Variants in DGKD observed in about 807,000 individuals in gnomAD.
DGKD encodes DAG kinase delta.
A neutral mutation model predicts 154.4 loss-of-function variants in DGKD; 68 were observed. The observed-to-expected ratio is 0.44, with a 90% CI of 0.36 to 0.54. DGKD has a LOEUF of 0.54. Among genes scored for constraint, DGKD ranks in the 20% least tolerant of loss-of-function variants. The pLI, the probability that DGKD is intolerant of heterozygous loss-of-function variation, is 0.00. For missense variants in DGKD, 1,343 were observed against 1,593.6 expected (o/e 0.84, Z 2.68); for synonymous variants, 693 against 638.0 (o/e 1.09, Z -1.30).
chr2:233,445,040 T>A lies in DGKD; in HGVS notation c.1195-583T>A, dbSNP rs2063020990. 6.6e-6 allele frequency among the ~76,000 whole-genome samples: 1 copy of A among 152,046 alleles called. No homozygotes were observed. Among genetic ancestry groups the A allele is most frequent in the African/African-American group, 2.4e-5 (1 of 41,388 alleles). On this transcript the variant is annotated intron_variant, in intron 10 of 29. Coordinates refer to ENST00000264057, the MANE Select transcript of DGKD (RefSeq NM_152879.3). This position sits in a 1 kb window ranked among gnomAD's most constrained non-coding sequence, Gnocchi z 5.5. ...TGGAGGGTGAGGCCTGAGTAATGCATGAGGTCTCTTCCTGGAACAGCAGGC... is the reference window on the plus strand; with the variant it reads ...TGGAGGGTGAGGCCTGAGTAATGCAAGAGGTCTCTTCCTGGAACAGCAGGC...
chr2:233,396,728 GGT>G (rs1295054873), intron 3 of DGKD, among the ~76,000 whole-genome samples: 1 of 151,998 alleles, frequency 6.6e-6, no homozygotes, highest in Non-Finnish European at 1.5e-5. Context: ...TCTGTGTGTT[GGT>G]GTGTGTCTGT....
At chr2:233,410,151 T>C (rs1178966056) in intron 3 of DGKD, among the ~76,000 whole-genome samples, 1 of 152,184 alleles carries the variant, frequency 6.6e-6, no homozygotes, top group East Asian at 1.9e-4. Context: ...GAATTGTTCA[T>C]TGGCTGCAAA....
Position 233,457,247 on chromosome 2 carries a change from C to T in DGKD, c.2499C>T (p.Pro833=). Residue 833 remains proline, a synonymous_variant, in exon 21 of 30, where the codon CCC becomes CCT. Transcript: ENST00000264057. The surrounding 1 kb of genome is among the most constrained non-coding windows in gnomAD (Gnocchi z 5.5). Reference sequence around the variant, plus strand: ...GTGACGGGCGACCCATCCCACTCCCCAGTCTTCAGGGAATTGCTGTCCTTA... The same window carrying T: ...GTGACGGGCGACCCATCCCACTCCCTAGTCTTCAGGGAATTGCTGTCCTTA... ...LECDGRPIPL[P]SLQGIAVLNI... 1.3e-6 allele frequency: 2 copies of T among 1,521,288 alleles called. No homozygotes were observed. Among genetic ancestry groups the T allele is most frequent in the Non-Finnish European group, 1.8e-6 (2 of 1,135,542 alleles). 94.2% of individuals were successfully genotyped at this position (1,521,288 alleles called of 1,614,324 possible).
intron 11 of DGKD, among the ~76,000 whole-genome samples, 200 bp from the exon 12 acceptor site, chr2:233,446,512 G>T (rs2063075891): frequency 1.3e-5 from 2 of 152,234 alleles, no homozygotes; most frequent in Non-Finnish European, 2.9e-5. Flanking sequence ...TCTCTTTATG[G>T]AGCTGTACTG....
intron 3 of DGKD, among the ~76,000 whole-genome samples, chr2:233,413,027 T>C (rs1445550778): frequency 1.2e-4 from 18 of 152,254 alleles, no homozygotes; most frequent in Admixed American, 1.2e-3. Context: ...ATGAAGGTAT[T>C]GATCTGTAAT....
intron 1 of DGKD, among the ~76,000 whole-genome samples, chr2:233,371,241 G>C (rs1192885292): frequency 6.6e-6 from 1 of 151,704 alleles, no homozygotes; most frequent in East Asian, 1.9e-4. Context: ...TAATATAAAT[G>C]TTATAATATT....
chr2:233,447,709 C>T, intron 12 of DGKD: 1 of 1,086,036 alleles, frequency 9.2e-7, no homozygotes, highest in Non-Finnish European at 1.1e-6. Flanking sequence ...ATGGGGCTCA[C>T]AGCCAGGTGG....
chr2:233,464,155 C>G lies in DGKD; in HGVS notation c.3187-9C>G, dbSNP rs758743022. ...TCCATTTCTCTCTCCCTCCCTCCGC[C>G]TGGAGCAGCAGCTGGATCCGCCTCA... On this transcript the variant is annotated splice_polypyrimidine_tract_variant and intron_variant, in intron 26 of 29. Coordinates refer to ENST00000264057, the MANE Select transcript of DGKD (RefSeq NM_152879.3). 1.2e-6 allele frequency: 2 copies of G among 1,613,214 alleles called. No homozygotes were observed. The highest frequency in any genetic ancestry group is 8.5e-7 in the Non-Finnish European group (1 of 1,180,042).
At position 233,470,737 on chromosome 2, in the gene DGKD, G is replaced by A. The variant is rs2063986286; in HGVS notation, c.*1277G>A. The A allele has an allele frequency of 6.6e-6, 1 of 152,332 alleles. No individual in the cohort carries two copies. Among genetic ancestry groups the A allele is most frequent in the African/African-American group, 2.4e-5 (1 of 41,424 alleles). The allele number at this position is 152,332 out of a possible 1,614,324, so 9.4% of individuals were successfully genotyped here. A position where few individuals can be genotyped will look rare whatever the true frequency, so the allele number is the denominator to read the frequency against. ...GTGCTTGTAAATGTCTTGGGAAGAG[G>A]TTTCTGTAACCCCTGCCCTGGTGTG... On this transcript the variant is annotated 3_prime_UTR_variant, in exon 30 of 30. Coordinates refer to ENST00000264057, the MANE Select transcript of DGKD (RefSeq NM_152879.3).
intron 17 of DGKD, 120 bp downstream of exon 17, chr2:233,451,170 G>T: frequency 1.9e-6 from 2 of 1,039,772 alleles, no homozygotes; most frequent in Admixed American, 2.8e-5. Context: ...AAAGATAGGT[G>T]GAATTGAAAA....
In DGKD at chr2:233,438,198, T is replaced by C; in HGVS notation, c.923-19T>C. On this transcript the variant is annotated intron_variant, in intron 8 of 29. Transcript: ENST00000264057. This position sits in a 1 kb window ranked among gnomAD's most constrained non-coding sequence, Gnocchi z 4.1. Reference sequence around the variant, plus strand: ...CTTCCGTGGCCTATATATTTTCTTCTGTTCGTTCTTGCGTCCAGGGTTCTG... The same window carrying C: ...CTTCCGTGGCCTATATATTTTCTTCCGTTCGTTCTTGCGTCCAGGGTTCTG... 1 of 1,612,314 alleles carries C rather than the reference T, an allele frequency of 6.2e-7. No individual in the cohort carries two copies. The highest frequency in any genetic ancestry group is 8.5e-7 in the Non-Finnish European group (1 of 1,179,026).
At chr2:233,367,899 C>G (rs1702116344) in intron 1 of DGKD, among the ~76,000 whole-genome samples, 1 of 145,694 alleles carries the variant, frequency 6.9e-6, no homozygotes, top group African/African-American at 2.6e-5. Context: ...CTACGTTAAG[C>G]CAGTCTGGTC....
At chr2:233,385,299 C>T (rs568204597) in intron 1 of DGKD, among the ~76,000 whole-genome samples, 5 of 152,292 alleles carry the variant, frequency 3.3e-5, no homozygotes, top group Non-Finnish European at 7.4e-5. Flanking sequence ...GGCCGTGGAC[C>T]ACACTCCAGC....
intron 10 of DGKD, among the ~76,000 whole-genome samples, chr2:233,442,757 T>C (rs2062942244): frequency 6.6e-6 from 1 of 151,766 alleles, no homozygotes; most frequent in South Asian, 2.1e-4. Flanking sequence ...AGGCGCACGC[T>C]ACCACGCCCA....
At chr2:233,466,219 G>C (rs528855749) in intron 27 of DGKD, among the ~76,000 whole-genome samples, 1 of 150,952 alleles carries the variant, frequency 6.6e-6, no homozygotes, top group East Asian at 1.9e-4. Context: ...GTATGCAGTT[G>C]TGTTTACATC....
chr2:233,454,088 C>T (rs552481197), intron 18 of DGKD, among the ~76,000 whole-genome samples: 3 of 152,250 alleles, frequency 2.0e-5, no homozygotes, highest in South Asian at 2.1e-4. Context: ...GCAGCTCTGC[C>T]GGAGGTTCAG....
intron 24 of DGKD, among the ~76,000 whole-genome samples, chr2:233,461,737 T>A (rs1030514996): frequency 1.3e-5 from 2 of 152,260 alleles, no homozygotes; most frequent in African/African-American, 4.8e-5. Flanking sequence ...GCGGCCTGTT[T>A]CCACAGGGTC....
chr2:233,450,148 C>T lies in DGKD; in HGVS notation c.2038+17C>T. 1 of 1,598,208 alleles carries T rather than the reference C, an allele frequency of 6.3e-7. No individual in the cohort carries two copies. Among genetic ancestry groups the T allele is most frequent in the Non-Finnish European group, 8.5e-7 (1 of 1,170,712 alleles). On this transcript the variant is annotated intron_variant, in intron 16 of 29. Transcript: ENST00000264057. ...AGCGCAAAGGTACTTGTGCCTCCAC[C>T]TCCCTCTGCGCACCGTCGTGTGCTT...
chr2:233,462,828 G>C (rs886436104), intron 26 of DGKD, 93 bp downstream of exon 26: 1 of 1,131,674 alleles, frequency 8.8e-7, no homozygotes, highest in African/African-American at 1.5e-5. Flanking sequence ...GCACACTTTA[G>C]TCCAGAGTTC....
Sources: gnomAD v4.1 joint callset for allele counts (sites outside exome capture counted in the v4.1 genomes callset) on GRCh38, gnomAD v4.1.1 for gene constraint, Gnocchi (gnomAD v3.1) non-coding constraint, MANE v1.5 for transcripts, NCBI Gene and HGNC (gene_info 2026-07-23, HGNC 2026-07-21) for gene names.